The following SETD1A variants were observed in gnomAD, a reference collection of about 807,000 sequenced individuals.
SETD1A encodes histone-lysine N-methyltransferase SETD1A.
Under a neutral mutation model 149.9 loss-of-function variants are expected in SETD1A, and 29 were observed. That is an observed-to-expected ratio of 0.19 (90% confidence interval 0.14 to 0.26). SETD1A has a LOEUF of 0.26. Ranked by LOEUF, SETD1A falls within the 10% of genes least tolerant of loss-of-function variation. The pLI, the probability that SETD1A is intolerant of heterozygous loss-of-function variation, is 1.00. For missense variants in SETD1A, 2,109 were observed against 2,353.1 expected, an observed-to-expected ratio of 0.90 and a Z score of 2.15; for synonymous variants, 1,141 against 968.5, an observed-to-expected ratio of 1.18 and a Z score of -3.31.
chr16:30,981,384 T>G (rs2143592930), intron 17 of SETD1A, among the ~76,000 whole-genome samples: 1 of 152,238 alleles, frequency 6.6e-6, no homozygotes, highest in East Asian at 1.9e-4. Context: ...TCCCTTTCTT[T>G]TTTTGTTTTG....
chr16:30,968,535 G>A (rs1380845145), intron 10 of SETD1A, among the ~76,000 whole-genome samples: 6 of 151,924 alleles, frequency 3.9e-5, no homozygotes, highest in African/African-American at 1.2e-4. Context: ...AGGCAGGGTG[G>A]AGCTCACCTG....
intron 17 of SETD1A, among the ~76,000 whole-genome samples, chr16:30,982,227 G>A (rs903040823): frequency 7.9e-5 from 12 of 152,196 alleles, no homozygotes; most frequent in African/African-American, 2.4e-4. Flanking sequence ...ATGGCCAGGC[G>A]CGGTGGCTCA....
At chr16:30,981,659 G>A (rs956683844) in intron 17 of SETD1A, among the ~76,000 whole-genome samples, 5 of 152,258 alleles carry the variant, frequency 3.3e-5, no homozygotes, top group Non-Finnish European at 7.3e-5. Flanking sequence ...ACAGGCGTGA[G>A]CCATCGCATC....
Position 30,984,377 on chromosome 16 carries a change from C to G in SETD1A, c.*354C>G, listed in dbSNP as rs895549592. The G allele has an allele frequency of 5.3e-5, 12 of 227,772 alleles. No homozygotes were observed. Among genetic ancestry groups the G allele is most frequent in the East Asian group, 2.1e-4 (2 of 9,408 alleles). 14.1% of individuals were successfully genotyped at this position (227,772 alleles called of 1,614,324 possible). On this transcript the variant is annotated 3_prime_UTR_variant, in exon 19 of 19. Coordinates refer to ENST00000262519, the MANE Select transcript of SETD1A (RefSeq NM_014712.3). ...TTGTGTTAATGGGGACTTCCCCTTA[C>G]GCCCTGCGTGTACCCCTCCCCAGTT...
Position 30,980,194 on chromosome 16 carries a change from A to G in SETD1A, c.4408A>G (p.Ile1470Val). ...CGACACTCACTGGGTCCATCACACA[A>G]ATATCCTGAGTGTGGGCGGCCTTCC... Reference protein sequence around the residue: ...LNDTHWVHHTITNLTTPKRKR... With the variant: ...LNDTHWVHHTVTNLTTPKRKR... The change falls in exon 14 of 19, where the codon ATC (isoleucine) becomes GTC (valine). Residue 1470 changes from isoleucine (I) to valine (V), a missense_variant and splice_region_variant. By Grantham distance (29) the Ile-to-Val change is conservative. Transcript: ENST00000262519. This position sits in a 1 kb window ranked among gnomAD's most constrained non-coding sequence, Gnocchi z 7.7. 1 of 1,601,050 alleles carries G rather than the reference A, an allele frequency of 6.2e-7. No homozygotes were observed. The highest frequency in any genetic ancestry group is 8.5e-7 in the Non-Finnish European group (1 of 1,173,014).
intron 5 of SETD1A, 89 bp from the exon 6 acceptor site, chr16:30,964,003 AAG>A (rs2056094200): frequency 2.8e-6 from 3 of 1,060,994 alleles, no homozygotes; most frequent in Admixed American, 2.2e-5. Context: ...AAAAAAAAAA[AAG>A]GGAACTAGGA....
chr16:30,964,928 C>T lies in SETD1A; in HGVS notation c.1186C>T (p.Pro396Ser), dbSNP rs1229415878. 6 of 1,613,966 alleles carry T rather than the reference C, an allele frequency of 3.7e-6. No individual in the cohort carries two copies. The Admixed American group carries it at 8.3e-5, about 22-fold the overall frequency. ...CACACGGGAGGAACCCCCTGGAGCC[C>T]CTTTTGCTGAAAATACAGCTGAGCG... ...RATREEPPGA[P>S]FAENTAERFP... The change falls in exon 7 of 19, where the codon CCT (proline) becomes TCT (serine). Residue 396 changes from proline (P) to serine (S), a missense_variant. This residue lies in a region of SETD1A where 410 missense variants were observed against 394.8 expected (regional missense o/e 1.04). Coordinates refer to ENST00000262519, the MANE Select transcript of SETD1A (RefSeq NM_014712.3).
Position 30,969,285 on chromosome 16 carries a change from C to T in SETD1A, c.2771-20C>T, listed in dbSNP as rs2056193831. On this transcript the variant is annotated intron_variant, in intron 10 of 18. Transcript: ENST00000262519. The stretch of plus-strand genomic sequence containing the variant: ...TGTGGTTGATGGTAAATTTCCCCAA[C>T]TACCACTCTGCTGGCCTAGACCCTG... 1 of 1,605,952 alleles carries T rather than the reference C, an allele frequency of 6.2e-7. No homozygotes were observed. The highest frequency in any genetic ancestry group is 1.1e-5 in the South Asian group (1 of 90,306).
intron 3 of SETD1A, among the ~76,000 whole-genome samples, chr16:30,960,707 T>G (rs2056039595): frequency 7.0e-6 from 1 of 143,876 alleles, no homozygotes; most frequent in Non-Finnish European, 1.6e-5. Flanking sequence ...TATTCCTCAG[T>G]GTGTACATTT....
At position 30,983,410 on chromosome 16, in the gene SETD1A, C is replaced by T. The variant is rs932493944; in HGVS notation, c.4813-225C>T. Among the ~76,000 whole-genome samples, 1 of 152,164 alleles carries T rather than the reference C, an allele frequency of 6.6e-6. No individual in the cohort carries two copies. Among genetic ancestry groups the T allele is most frequent in the African/African-American group, 2.4e-5 (1 of 41,438 alleles). On this transcript the variant is annotated intron_variant, in intron 17 of 18. Coordinates refer to ENST00000262519, the MANE Select transcript of SETD1A (RefSeq NM_014712.3). The surrounding 1 kb of genome is among the most constrained non-coding windows in gnomAD (Gnocchi z 6.8). ...ACCCAGTGCAGATTTCCCTGGAGTT[C>T]CCTGCGGGTGACTTAGAATGGCCAC...
rs551920163 is a variant in SETD1A, at chr16:30,968,807, A to AT, written c.2771-498_2771-497insT. Among the ~76,000 whole-genome samples, 147 of 151,200 alleles carry AT rather than the reference A, an allele frequency of 9.7e-4. 2 individuals carry two copies. In the South Asian group the frequency reaches 0.017, roughly 18 times the overall value. On this transcript the variant is annotated intron_variant, in intron 10 of 18. Transcript: ENST00000262519. ...AAAGCGAGACTCCGTCTCAAAAAAAAAAATATATATATATATGCCAGGCAC... is the reference window on the plus strand; with the variant it reads ...AAAGCGAGACTCCGTCTCAAAAAAAATAAATATATATATATATGCCAGGCAC...
intron 3 of SETD1A, 90 bp downstream of exon 3, chr16:30,959,276 T>G (rs2056013042): frequency 1.1e-6 from 1 of 892,060 alleles, no homozygotes; most frequent in Non-Finnish European, 1.9e-6. Flanking sequence ...GGGTTTCCAA[T>G]GAAAGGATCT....
chr16:30,980,681 T>G lies in SETD1A; in HGVS notation c.4581+24T>G. 6.2e-7 allele frequency: 1 copy of G among 1,609,878 alleles called. No homozygotes were observed. Among genetic ancestry groups the G allele is most frequent in the Non-Finnish European group, 8.5e-7 (1 of 1,178,890 alleles). ...AGGTGGGCCTAACCCCGCCGCCGCG[T>G]CCTCCTGCCACTCACTTCCCTGCCC... On this transcript the variant is annotated intron_variant, in intron 15 of 18. Coordinates refer to ENST00000262519, the MANE Select transcript of SETD1A (RefSeq NM_014712.3). This position sits in a 1 kb window ranked among gnomAD's most constrained non-coding sequence, Gnocchi z 7.7.
At chr16:30,975,781 T>G (rs953308453) in intron 13 of SETD1A, among the ~76,000 whole-genome samples, 1 of 151,982 alleles carries the variant, frequency 6.6e-6, no homozygotes, top group African/African-American at 2.4e-5. Flanking sequence ...CAAGGCTTAG[T>G]GAGATGCAGG....
rs373025485 is a variant in SETD1A at position 30,980,026 on chromosome 16, G to A, written c.4240G>A (p.Ala1414Thr). 1.2e-5 allele frequency: 15 copies of A among 1,252,132 alleles called. No individual in the cohort carries two copies. Among genetic ancestry groups the A allele is most frequent in the South Asian group, 3.7e-5 (3 of 81,828 alleles). The allele number at this position is 1,252,132 out of a possible 1,614,324, so 77.6% of individuals were successfully genotyped here. The change falls in exon 14 of 19, where the codon GCC (alanine) becomes ACC (threonine). Residue 1414 changes from alanine to threonine, a missense_variant. Ala to Thr is a moderately conservative substitution (Grantham distance 58). Transcript: ENST00000262519. The surrounding 1 kb of genome is among the most constrained non-coding windows in gnomAD (Gnocchi z 7.7). ...CCCACCCCCGCCGCCACCGCCCCGC[G>A]CCTACGAGCCACGCAGTGAGTTTGA... ...PPPPPPPPPR[A>T]YEPRSEFEQM...
rs559847418 is a variant in SETD1A at position 30,958,819 on chromosome 16, C to T, written c.88C>T (p.Pro30Ser). 21 of 1,614,170 alleles carry T rather than the reference C, an allele frequency of 1.3e-5. No homozygotes were observed. The South Asian group carries it at 2.3e-4, about 18-fold the overall frequency. Residue 30 changes from proline to serine, a missense_variant, in exon 2 of 19, where the codon CCT (proline) becomes TCT (serine). By Grantham distance (74) the Pro-to-Ser change is moderately conservative. Transcript: ENST00000262519. The part of the protein sequence containing the change: ...YKLIVDPALD[P>S]ALRRPSQKVY... Reference sequence around the variant, plus strand: ...GCTCATCGTGGATCCTGCCTTGGACCCTGCCCTGCGCAGGCCTTCTCAGAA... The same window carrying T: ...GCTCATCGTGGATCCTGCCTTGGACTCTGCCCTGCGCAGGCCTTCTCAGAA...
chr16:30,966,248 C>T lies in SETD1A; in HGVS notation c.2367C>T (p.Gly789=), dbSNP rs2056145776. ...LAEGKTLPTA[G]TVGRVLAMLV... ...AGGGCAAGACCCTCCCGACAGCAGG[C>T]ACCGTGGGCCGTGTGCTCGCCATGC... is the stretch of plus-strand genomic sequence containing the variant. Residue 789 remains glycine, a synonymous_variant, in exon 8 of 19, where the codon GGC becomes GGT. Transcript: ENST00000262519. 1.2e-6 allele frequency: 2 copies of T among 1,613,702 alleles called. No individual in the cohort carries two copies. The highest frequency in any genetic ancestry group is 2.7e-5 in the African/African-American group (2 of 74,946).
Position 30,980,277 on chromosome 16 carries a change from C to G in SETD1A, c.4408+83C>G. 1 of 1,479,908 alleles carries G rather than the reference C, an allele frequency of 6.8e-7. No homozygotes were observed. Among genetic ancestry groups the G allele is most frequent in the Admixed American group, 2.5e-5 (1 of 40,024 alleles). 91.7% of individuals were successfully genotyped at this position (1,479,908 alleles called of 1,614,324 possible). ...CACCTGCATCTGTGCCCCACTCTGT[C>G]TGCCTCCCCTCTGGCTCCAAGCCAT... On this transcript the variant is annotated intron_variant, in intron 14 of 18. Transcript: ENST00000262519. The surrounding 1 kb of genome is among the most constrained non-coding windows in gnomAD (Gnocchi z 7.7).
Position 30,983,168 on chromosome 16 carries a change from A to G in SETD1A, c.4813-467A>G, listed in dbSNP as rs2056402962. ...GAAGTAAGGGTTGCTCCTCACACGG[A>G]GGTGCGGGGCCTGACATGGGCGGCC... On this transcript the variant is annotated intron_variant, in intron 17 of 18. Coordinates refer to ENST00000262519, the MANE Select transcript of SETD1A (RefSeq NM_014712.3). This position sits in a 1 kb window ranked among gnomAD's most constrained non-coding sequence, Gnocchi z 6.8. Among the ~76,000 whole-genome samples, 1 of 152,074 alleles carries G rather than the reference A, an allele frequency of 6.6e-6. No homozygotes were observed.
Sources: allele counts gnomAD v4.1 joint callset (sites outside exome capture counted in the v4.1 genomes callset), GRCh38; gene constraint gnomAD v4.1.1; regional missense constraint gnomAD v4.1.1; non-coding constraint Gnocchi (gnomAD v3.1); transcripts MANE v1.5; gene names NCBI Gene and HGNC (gene_info 2026-07-23, HGNC 2026-07-21).